The following NRG3 variants were observed in gnomAD, a reference collection of about 807,000 sequenced individuals.
NRG3 encodes pro-neuregulin-3, membrane-bound isoform.
NRG3 carries 31 observed loss-of-function variants against 66.9 expected under a neutral mutation model. The observed-to-expected ratio is 0.46, with a 90% CI of 0.35 to 0.63. The LOEUF (loss-of-function observed/expected upper bound fraction) is 0.63, where lower values mean the gene tolerates loss of function less well. Among genes scored for constraint, NRG3 ranks in the 20% least tolerant of loss-of-function variants. The pLI is 0.00. For synonymous variants in NRG3, 393 were observed against 359.4 expected (o/e 1.09, Z -1.06); for missense variants, 910 against 878.9 (o/e 1.04, Z -0.45).
intron 1 of NRG3, among the ~76,000 whole-genome samples, chr10:82,104,320 G>A (rs1480144583): frequency 6.6e-6 from 1 of 152,102 alleles, no homozygotes; most frequent in Non-Finnish European, 1.5e-5. Flanking sequence ...CGCTTAATAG[G>A]AGAATACTGG....
intron 2 of NRG3, among the ~76,000 whole-genome samples, chr10:82,530,024 T>A (rs968826900): frequency 2.5e-4 from 38 of 152,158 alleles, no homozygotes; most frequent in Non-Finnish European, 5.0e-4. Context: ...AAGGCCAATA[T>A]GGGAATTTCT....
intron 1 of NRG3, among the ~76,000 whole-genome samples, chr10:82,101,568 T>C (rs1301787431): frequency 2.0e-5 from 3 of 151,886 alleles, no homozygotes. Flanking sequence ...TTATAGTTCA[T>C]TTTGGTTGTC....
At chr10:82,116,771 C>A (rs184701593) in intron 1 of NRG3, among the ~76,000 whole-genome samples, 23 of 152,178 alleles carry the variant, frequency 1.5e-4, no homozygotes, top group South Asian at 6.2e-4. Flanking sequence ...GAAGAGAACC[C>A]CAGTTCACCC....
chr10:82,717,956 C>T (rs1211745864), intron 2 of NRG3, among the ~76,000 whole-genome samples: 1 of 151,946 alleles, frequency 6.6e-6, no homozygotes, highest in African/African-American at 2.4e-5. Flanking sequence ...CCCAAGACAG[C>T]TATCAGCTGT....
intron 4 of NRG3, among the ~76,000 whole-genome samples, chr10:82,943,350 A>T (rs2132284341): frequency 6.6e-6 from 1 of 152,256 alleles, no homozygotes; most frequent in South Asian, 2.1e-4. Context: ...CTGCTCCTTG[A>T]GTGGAGTTGG....
chr10:82,622,038 A>C (rs1419383134), intron 2 of NRG3, among the ~76,000 whole-genome samples: 2 of 152,194 alleles, frequency 1.3e-5, no homozygotes, highest in Non-Finnish European at 2.9e-5. Context: ...AATGGCCAAA[A>C]AATGATCACA....
intron 4 of NRG3, among the ~76,000 whole-genome samples, chr10:82,920,174 T>TAAGTACTGTACTCTAGTTGATA (rs542314966): frequency 2.0e-5 from 3 of 151,476 alleles, no homozygotes; most frequent in African/African-American, 7.4e-5. Flanking sequence ...GAACTGTACG[T>TAAGTACTGTACTCTAGTTGATA]AAGTACTGTA....
At chr10:81,991,756 T>G (rs1481204962) in intron 1 of NRG3, among the ~76,000 whole-genome samples, 1 of 152,164 alleles carries the variant, frequency 6.6e-6, no homozygotes, top group Non-Finnish European at 1.5e-5. Context: ...TAATTACCTC[T>G]GAACAAAGTT....
chr10:82,057,255 T>A (rs1263587092), intron 1 of NRG3, among the ~76,000 whole-genome samples: 2 of 152,136 alleles, frequency 1.3e-5, no homozygotes. Flanking sequence ...TCTATAGAGT[T>A]ATTTGGTTCT....
intron 1 of NRG3, among the ~76,000 whole-genome samples, chr10:82,004,739 C>G (rs1043256439): frequency 6.6e-6 from 1 of 152,114 alleles, no homozygotes; most frequent in Non-Finnish European, 1.5e-5. Flanking sequence ...GGGCCCTAAT[C>G]CAGTATGATC....
intron 3 of NRG3, among the ~76,000 whole-genome samples, chr10:82,745,821 T>C (rs514237): frequency 0.66 from 100,399 of 151,518 alleles, 34,447 homozygotes; most frequent in South Asian, 0.75. Flanking sequence ...TAACCACTGA[T>C]AATCAATTCG....
intron 3 of NRG3, among the ~76,000 whole-genome samples, chr10:82,832,694 T>C (rs1289793658): frequency 6.6e-6 from 1 of 152,160 alleles, no homozygotes; most frequent in African/African-American, 2.4e-5. Flanking sequence ...TGATGGAATA[T>C]TATTCTGCCA....
intron 3 of NRG3, among the ~76,000 whole-genome samples, chr10:82,754,256 A>G (rs1051268624): frequency 4.6e-5 from 7 of 151,518 alleles, no homozygotes; most frequent in African/African-American, 1.7e-4. Flanking sequence ...ATGGATCCAT[A>G]TATTTGTACA....
intron 2 of NRG3, among the ~76,000 whole-genome samples, chr10:82,686,237 G>T (rs540807456): frequency 6.6e-6 from 1 of 151,310 alleles, no homozygotes; most frequent in East Asian, 1.9e-4. Context: ...GCCCTGGCTG[G>T]AGTGCAATGG....
intron 4 of NRG3, among the ~76,000 whole-genome samples, chr10:82,869,613 T>C (rs1032894939): frequency 6.8e-6 from 1 of 147,440 alleles, no homozygotes; most frequent in Non-Finnish European, 1.5e-5. Flanking sequence ...TTTATTTTAT[T>C]TTATTTTATT....
intron 1 of NRG3, among the ~76,000 whole-genome samples, chr10:82,133,308 A>G (rs961294073): frequency 3.3e-5 from 5 of 152,108 alleles, no homozygotes; most frequent in African/African-American, 9.7e-5. Context: ...GGTTTGTTAC[A>G]TACATAAACT....
At chr10:82,923,325 C>T (rs1004733676) in intron 4 of NRG3, among the ~76,000 whole-genome samples, 8 of 152,224 alleles carry the variant, frequency 5.3e-5, no homozygotes, top group African/African-American at 9.6e-5. Context: ...AATCTCTACT[C>T]TCCTTTCAGG....
intron 2 of NRG3, among the ~76,000 whole-genome samples, chr10:82,456,306 A>AT (rs961768270): frequency 2.5e-4 from 38 of 150,948 alleles, no homozygotes; most frequent in Admixed American, 7.3e-4. Context: ...CAACTGGCTA[A>AT]TTTTTTTTTA....
intron 2 of NRG3, among the ~76,000 whole-genome samples, chr10:82,426,008 G>C (rs1477564965): frequency 6.6e-6 from 1 of 152,102 alleles, no homozygotes; most frequent in Non-Finnish European, 1.5e-5. Flanking sequence ...ATAATTCTTG[G>C]CTTTCCACCT....
Sources: gnomAD v4.1 joint callset for allele counts (sites outside exome capture counted in the v4.1 genomes callset) on GRCh38, gnomAD v4.1.1 for gene constraint, MANE v1.5 for transcripts, NCBI Gene and HGNC (gene_info 2026-07-23, HGNC 2026-07-21) for gene names.